Variants in CRYGC observed in about 807,000 individuals in gnomAD.
CRYGC encodes crystallin gamma C, also known as gamma-crystallin C.
CRYGC carries 14 observed loss-of-function variants against 21.9 expected under a neutral mutation model. The observed-to-expected ratio is 0.64, with a 90% CI of 0.42 to 1.00. The LOEUF (loss-of-function observed/expected upper bound fraction) is 1.00, where lower values mean the gene tolerates loss of function less well. Among genes scored for constraint, CRYGC ranks in the 50% least tolerant of loss-of-function variants. The pLI is 0.00. For missense variants in CRYGC, 235 were observed against 234.2 expected, an observed-to-expected ratio of 1.00 and a Z score of -0.02; for synonymous variants, 96 against 89.8, an observed-to-expected ratio of 1.07 and a Z score of -0.39.
In CRYGC at chr2:208,128,444, C is replaced by T. The variant is rs559746109; in HGVS notation, c.284G>A (p.Arg95Lys). The change falls in exon 3 of 3, where the codon AGG becomes AAG. Residue 95 changes from arginine to lysine, a missense_variant. Arg to Lys is a conservative substitution (Grantham distance 26, BLOSUM62 2). Transcript: ENST00000282141. Reference protein sequence around the residue: ...TVSHRLRLYEREDHKGLMMEL... With the variant: ...TVSHRLRLYEKEDHKGLMMEL... ...CATCATGAGGCCTTTGTGGTCTTCC[C>T]TCTCGTACAGCCGCAGCCTGTGGGA... 6 of 1,614,200 alleles carry T rather than the reference C, an allele frequency of 3.7e-6. No individual in the cohort carries two copies. The highest frequency in any genetic ancestry group is 1.3e-5 in the African/African-American group (1 of 75,066).
At chr2:208,129,353 GT>G (rs1351839443) in intron 2 of CRYGC, 87 bp downstream of exon 2, 19 of 1,563,698 alleles carry the variant, frequency 1.2e-5, no homozygotes, top group Admixed American at 1.8e-5. Flanking sequence ...ACCCTTAGGT[GT>G]TTTTAAATGC....
chr2:208,128,564 T>C lies in CRYGC; in HGVS notation c.253-89A>G, dbSNP rs1052438715. The C allele has an allele frequency of 5.6e-5, 82 of 1,471,354 alleles. 3 individuals are homozygous for C. The Admixed American group carries it at 6.5e-4, about 12-fold the overall frequency. 91.1% of individuals were successfully genotyped at this position (1,471,354 alleles called of 1,614,324 possible). On this transcript the variant is annotated intron_variant, in intron 2 of 2. Coordinates refer to ENST00000282141, the MANE Select transcript of CRYGC (RefSeq NM_020989.4). ...CCAAAGAACAGATGAACTTGGTAGG[T>C]TGTGGCATGGAATTGTCATTGTAAA...
At position 208,128,439 on chromosome 2, in the gene CRYGC, C is replaced by T. The variant is rs1291221786; in HGVS notation, c.289G>A (p.Asp97Asn). ...AGCTCCATCATGAGGCCTTTGTGGTCTTCCCTCTCGTACAGCCGCAGCCTG... is the reference window on the plus strand; with the variant it reads ...AGCTCCATCATGAGGCCTTTGTGGTTTTCCCTCTCGTACAGCCGCAGCCTG... ...SHRLRLYERE[D>N]HKGLMMELSE... Residue 97 changes from aspartate (D) to asparagine (N), a missense_variant, in exon 3 of 3, where the codon GAC (aspartate) becomes AAC (asparagine). By Grantham distance (23) the Asp-to-Asn change is conservative. Transcript: ENST00000282141. 2 of 1,614,088 alleles carry T rather than the reference C, an allele frequency of 1.2e-6. No individual in the cohort carries two copies. Among genetic ancestry groups the T allele is most frequent in the East Asian group, 2.2e-5 (1 of 44,896 alleles).
Position 208,128,303 on chromosome 2 carries a change from C to T in CRYGC, c.425G>A (p.Arg142Gln), listed in dbSNP as rs764781357. 1.9e-5 allele frequency: 31 copies of T among 1,614,112 alleles called. No individual in the cohort carries two copies. Among genetic ancestry groups the T allele is most frequent in the South Asian group, 4.4e-5 (4 of 91,088 alleles). The change falls in exon 3 of 3, where the codon CGG (arginine) becomes CAG (glutamine). Residue 142 changes from arginine (R) to glutamine (Q), a missense_variant. Coordinates refer to ENST00000282141, the MANE Select transcript of CRYGC (RefSeq NM_020989.4). ...CTCTTGGGGCCTCAGCAGGTATTGC[C>T]GCCCCCGGTAGTTGGGCAGCTCGTA... The part of the protein sequence containing the change: ...VLYELPNYRG[R>Q]QYLLRPQEYR...
intron 1 of CRYGC, 26 bp from the exon 2 acceptor site, chr2:208,129,709 T>A (rs1433689690): frequency 6.2e-7 from 1 of 1,614,128 alleles, no homozygotes; most frequent in African/African-American, 1.3e-5. Context: ...CGTTCCGAAT[T>A]ACATTATTTG....
At position 208,128,170 on chromosome 2, in the gene CRYGC, T is replaced by A. The variant is rs200439831; in HGVS notation, c.*33A>T. 2.5e-6 allele frequency: 4 copies of A among 1,614,016 alleles called. No homozygotes were observed. The highest frequency in any genetic ancestry group is 3.4e-6 in the Non-Finnish European group (4 of 1,179,838). On this transcript the variant is annotated 3_prime_UTR_variant, in exon 3 of 3. Coordinates refer to ENST00000282141, the MANE Select transcript of CRYGC (RefSeq NM_020989.4). Reference sequence around the variant, plus strand: ...AATGCAGACTAAATATTTATTAGGTTCCAAAATGGGAAATTGGTAGTGTTA... The same window carrying A: ...AATGCAGACTAAATATTTATTAGGTACCAAAATGGGAAATTGGTAGTGTTA...
intron 2 of CRYGC, 83 bp from the exon 3 acceptor site, chr2:208,128,558 G>C (rs1352447487): frequency 6.0e-6 from 9 of 1,506,756 alleles, no homozygotes; most frequent in Non-Finnish European, 6.4e-6. Context: ...AGATGAACTT[G>C]GTAGGTTGTG....
In CRYGC at chr2:208,129,693, A is replaced by G. The variant is rs199901300; in HGVS notation, c.10-10T>C. 443 of 1,614,256 alleles carry G rather than the reference A, an allele frequency of 2.7e-4. 2 individuals carry two copies. In the African/African-American group the frequency reaches 4.7e-3, roughly 17 times the overall value. ...CCTCATAGAAGGTGATCTGCAAAGG[A>G]AGAATCGTTCCGAATTACATTATTT... On this transcript the variant is annotated splice_polypyrimidine_tract_variant and intron_variant, in intron 1 of 2. Coordinates refer to ENST00000282141, the MANE Select transcript of CRYGC (RefSeq NM_020989.4).
chr2:208,128,790 A>G, intron 2 of CRYGC, among the ~76,000 whole-genome samples: 1 of 152,344 alleles, frequency 6.6e-6, no homozygotes, highest in African/African-American at 2.4e-5. Context: ...ACCTGTGTTA[A>G]TTCAAACTAC....
chr2:208,128,618 G>A (rs556945461), intron 2 of CRYGC, 143 bp from the exon 3 acceptor site: 183 of 974,990 alleles, frequency 1.9e-4, no homozygotes, highest in Middle Eastern at 5.9e-4. Context: ...GTAGATTACT[G>A]TGGTTGCTGC....
intron 2 of CRYGC, 39 bp downstream of exon 2, chr2:208,129,401 TG>T: frequency 6.2e-7 from 1 of 1,610,722 alleles, no homozygotes; most frequent in East Asian, 2.2e-5. Context: ...GACAATACAG[TG>T]GGGACTCTGG....
rs765929436 is a variant in CRYGC at position 208,129,821 on chromosome 2, A to G, written c.-29T>C. 1 of 1,614,044 alleles carries G rather than the reference A, an allele frequency of 6.2e-7. No homozygotes were observed. Among genetic ancestry groups the G allele is most frequent in the Non-Finnish European group, 8.5e-7 (1 of 1,179,982 alleles). ...TGGTTGACACGGATGATGCGAGTTCAGTGTGATGGGGCCTGCGGCTGCACA... is the reference window on the plus strand; with the variant it reads ...TGGTTGACACGGATGATGCGAGTTCGGTGTGATGGGGCCTGCGGCTGCACA... On this transcript the variant is annotated 5_prime_UTR_variant, in exon 1 of 3. Coordinates refer to ENST00000282141, the MANE Select transcript of CRYGC (RefSeq NM_020989.4).
At position 208,129,528 on chromosome 2, in the gene CRYGC, T is replaced by A. The variant is rs1176313815; in HGVS notation, c.165A>T (p.Gln55His). 2 of 1,614,182 alleles carry A rather than the reference T, an allele frequency of 1.2e-6. No individual in the cohort carries two copies. Among genetic ancestry groups the A allele is most frequent in the African/African-American group, 1.3e-5 (1 of 75,028 alleles). ...LYERPNYQGQ[Q>H]YLLRRGEYPD... ...GGTACTCCCCTCGCCGCAGCAAGTA[T>A]TGTTGACCTTGGTAGTTGGGACGCT... The change falls in exon 2 of 3, where the codon CAA becomes CAT. Residue 55 changes from glutamine (Q) to histidine (H), a missense_variant. Transcript: ENST00000282141.
rs1408086636 is a variant in CRYGC, at chr2:208,128,390, T to G, written c.338A>C (p.Gln113Pro). The stretch of plus-strand genomic sequence containing the variant: ...GATCTCGCTGAGGTGGAAGCGGTCC[T>G]GGATGCTGGGGCAGTCTTCACTCAG... The part of the protein sequence containing the change: ...MELSEDCPSI[Q>P]DRFHLSEIRS... Residue 113 changes from glutamine (Q) to proline (P), a missense_variant, in exon 3 of 3, where the codon CAG becomes CCG. Physicochemically the swap from Gln to Pro is moderately conservative, Grantham distance 76 (BLOSUM62 -1). Coordinates refer to ENST00000282141, the MANE Select transcript of CRYGC (RefSeq NM_020989.4). 1.9e-6 allele frequency: 3 copies of G among 1,614,196 alleles called. No homozygotes were observed. The East Asian group carries it at 6.7e-5, about 36-fold the overall frequency.
At chr2:208,129,323 A>G in intron 2 of CRYGC, 118 bp downstream of exon 2, 1 of 1,398,904 alleles carries the variant, frequency 7.1e-7, no homozygotes, top group Non-Finnish European at 9.8e-7. Flanking sequence ...TGGCTTATTC[A>G]GGTCTCTGAT....
chr2:208,129,748 T>C (rs759754521), intron 1 of CRYGC, 36 bp downstream of exon 1: 9 of 1,613,818 alleles, frequency 5.6e-6, no homozygotes, highest in African/African-American at 1.3e-5. Flanking sequence ...TAAAGGCAAC[T>C]TTTTTTTCAT....
chr2:208,128,388 C>T lies in CRYGC; in HGVS notation c.340G>A (p.Asp114Asn). The change falls in exon 3 of 3, where the codon GAC becomes AAC. Residue 114 changes from aspartate (D) to asparagine (N), a missense_variant. Transcript: ENST00000282141. ...CGGATCTCGCTGAGGTGGAAGCGGT[C>T]CTGGATGCTGGGGCAGTCTTCACTC... ...ELSEDCPSIQ[D>N]RFHLSEIRSL... 6 of 1,614,172 alleles carry T rather than the reference C, an allele frequency of 3.7e-6. No homozygotes were observed. Among genetic ancestry groups the T allele is most frequent in the Non-Finnish European group, 5.1e-6 (6 of 1,180,032 alleles).
chr2:208,128,332 G>T lies in CRYGC; in HGVS notation c.396C>A (p.Val132=). 1 of 1,614,196 alleles carries T rather than the reference G, an allele frequency of 6.2e-7. No individual in the cohort carries two copies. The highest frequency in any genetic ancestry group is 1.7e-5 in the Admixed American group (1 of 60,026). Reference sequence around the variant, plus strand: ...CCCGGTAGTTGGGCAGCTCGTAGAGGACCCAGCAGCCCTCCAGCACGTGGA... The same window carrying T: ...CCCGGTAGTTGGGCAGCTCGTAGAGTACCCAGCAGCCCTCCAGCACGTGGA... ...RSLHVLEGCW[V]LYELPNYRGR... is the part of the protein sequence containing the mutation. Residue 132 remains valine (V), a synonymous_variant, in exon 3 of 3, where the codon GTC becomes GTA. Coordinates refer to ENST00000282141, the MANE Select transcript of CRYGC (RefSeq NM_020989.4).
intron 2 of CRYGC, among the ~76,000 whole-genome samples, chr2:208,128,834 A>G (rs1695042931): frequency 6.6e-6 from 1 of 152,198 alleles, no homozygotes; most frequent in Non-Finnish European, 1.5e-5. Context: ...ATTTATTTTC[A>G]CTAGTATTCT....
Sources: gnomAD v4.1 joint callset for allele counts (sites outside exome capture counted in the v4.1 genomes callset) on GRCh38, gnomAD v4.1.1 for gene constraint, MANE v1.5 for transcripts, NCBI Gene and HGNC (gene_info 2026-07-23, HGNC 2026-07-21) for gene names.